The following DSCAML1 variants were observed in gnomAD, a reference collection of about 807,000 sequenced individuals.
The protein encoded by DSCAML1 is DS cell adhesion molecule like 1.
In DSCAML1, 38 loss-of-function variants were observed where a neutral mutation model predicts 200.5. The ratio of observed to expected loss-of-function variants is 0.19; its 90% CI spans 0.15 to 0.25. The LOEUF (loss-of-function observed/expected upper bound fraction) is 0.25. Ranked by LOEUF, DSCAML1 falls within the 10% of genes least tolerant of loss-of-function variation. The pLI is 1.00. For synonymous variants in DSCAML1, 1,215 were observed against 1,165.0 expected (o/e 1.04, Z -0.87); for missense variants, 2,223 against 2,858.8 (o/e 0.78, Z 5.07).
intron 3 of DSCAML1, among the ~76,000 whole-genome samples, chr11:117,625,329 C>G (rs1430959445): frequency 1.3e-5 from 2 of 151,894 alleles, no homozygotes; most frequent in African/African-American, 4.8e-5. Context: ...GCTCTTTATT[C>G]CACAATGAGA....
intron 3 of DSCAML1, among the ~76,000 whole-genome samples, chr11:117,581,695 G>C (rs1269537357): frequency 8.5e-5 from 13 of 152,216 alleles, no homozygotes; most frequent in Non-Finnish European, 1.5e-5. Context: ...CTGAGTCAGG[G>C]ACTATTATTA....
intron 3 of DSCAML1, among the ~76,000 whole-genome samples, chr11:117,533,426 C>T (rs1289729497): frequency 2.0e-5 from 3 of 152,180 alleles, no homozygotes; most frequent in African/African-American, 7.2e-5. Context: ...AGCCTCCATC[C>T]CCTTCTCTCA....
At chr11:117,494,615 T>A (rs966334008) in intron 11 of DSCAML1, among the ~76,000 whole-genome samples, 3 of 152,122 alleles carry the variant, frequency 2.0e-5, no homozygotes, top group African/African-American at 7.2e-5. Context: ...CCAAAAGATA[T>A]GTTGAAGTCC....
chr11:117,616,326 G>A (rs2051810935), intron 3 of DSCAML1, among the ~76,000 whole-genome samples: 2 of 152,218 alleles, frequency 1.3e-5, no homozygotes, highest in East Asian at 1.9e-4. Flanking sequence ...GGGATTAGGA[G>A]GGTAGCCATA....
At chr11:117,660,666 C>T (rs930863264) in intron 3 of DSCAML1, among the ~76,000 whole-genome samples, 6 of 152,162 alleles carry the variant, frequency 3.9e-5, no homozygotes, top group South Asian at 2.1e-4. Context: ...TCCTGGGAGC[C>T]GGGACCCAGC....
intron 6 of DSCAML1, among the ~76,000 whole-genome samples, chr11:117,519,440 C>A (rs1381417001): frequency 6.6e-6 from 1 of 152,216 alleles, no homozygotes; most frequent in African/African-American, 2.4e-5. Flanking sequence ...CCCTGGCTTC[C>A]TCACGTGGAA....
At chr11:117,716,714 G>A (rs970288423) in intron 3 of DSCAML1, among the ~76,000 whole-genome samples, 1 of 152,104 alleles carries the variant, frequency 6.6e-6, no homozygotes, top group Non-Finnish European at 1.5e-5. Flanking sequence ...ATGGTTGGGG[G>A]GAAAAAGAAA....
At chr11:117,632,947 G>A (rs2052204207) in intron 3 of DSCAML1, among the ~76,000 whole-genome samples, 1 of 152,192 alleles carries the variant, frequency 6.6e-6, no homozygotes, top group South Asian at 2.1e-4. Flanking sequence ...TACACAAATA[G>A]TGAGTAGTAA....
chr11:117,785,663 T>C (rs909456477), intron 1 of DSCAML1, among the ~76,000 whole-genome samples: 1 of 152,118 alleles, frequency 6.6e-6, no homozygotes, highest in African/African-American at 2.4e-5. Flanking sequence ...GTTCTTGTAG[T>C]CCTTATGTCT....
At chr11:117,794,877 G>A (rs1048653662) in intron 1 of DSCAML1, among the ~76,000 whole-genome samples, 1 of 152,166 alleles carries the variant, frequency 6.6e-6, no homozygotes, top group African/African-American at 2.4e-5. Context: ...CCAACAGACA[G>A]ACGCTGGAGC....
chr11:117,786,384 G>A (rs957179132), intron 1 of DSCAML1, among the ~76,000 whole-genome samples: 4 of 152,222 alleles, frequency 2.6e-5, no homozygotes, highest in Non-Finnish European at 5.9e-5. Flanking sequence ...TTAGAAGTGT[G>A]GAAATAGCAC....
intron 18 of DSCAML1, among the ~76,000 whole-genome samples, chr11:117,460,872 C>G (rs2048467754): frequency 6.6e-6 from 1 of 152,134 alleles, no homozygotes; most frequent in South Asian, 2.1e-4. Context: ...AAGGGAGGCT[C>G]TCCCTGGGTT....
chr11:117,430,849 G>A lies in DSCAML1; in HGVS notation c.5559C>T (p.Asp1853=), dbSNP rs1592559475. The change falls in exon 32 of 33, where the codon GAC becomes GAT. Residue 1853 remains aspartate (D), a synonymous_variant. Transcript: ENST00000651296. ...AGGGTGTGCTCATGGATGTCATGCT[G>A]TCGGCGTTCTCGTTGGTGCCTGTGG... ...QMTTGTNENA[D]SMTSMSTPSE... 1.2e-6 allele frequency: 2 copies of A among 1,614,202 alleles called. No individual in the cohort carries two copies.
At chr11:117,572,780 C>T (rs988633416) in intron 3 of DSCAML1, among the ~76,000 whole-genome samples, 1 of 152,120 alleles carries the variant, frequency 6.6e-6, no homozygotes, top group African/African-American at 2.4e-5. Context: ...TCTCCTCTGC[C>T]CGTTCAAGTG....
intron 11 of DSCAML1, among the ~76,000 whole-genome samples, chr11:117,485,076 T>C (rs2049016405): frequency 2.0e-5 from 3 of 152,174 alleles, no homozygotes; most frequent in Non-Finnish European, 4.4e-5. Flanking sequence ...AACCCCACCA[T>C]GCCTCTGGCT....
Position 117,437,425 on chromosome 11 carries a change from G to A in DSCAML1, c.4433-16C>T. 1 of 1,604,476 alleles carries A rather than the reference G, an allele frequency of 6.2e-7. No individual in the cohort carries two copies. Among genetic ancestry groups the A allele is most frequent in the Non-Finnish European group, 8.5e-7 (1 of 1,174,398 alleles). On this transcript the variant is annotated splice_polypyrimidine_tract_variant and intron_variant, in intron 25 of 32. Transcript: ENST00000651296. This position sits in a 1 kb window ranked among gnomAD's most constrained non-coding sequence, Gnocchi z 5.3. ...AAGGAGGGCTCTGGCAGGCCGGAGGGAGAGAGAGAGGTTAGAGAGATTTGG... is the reference window on the plus strand; with the variant it reads ...AAGGAGGGCTCTGGCAGGCCGGAGGAAGAGAGAGAGGTTAGAGAGATTTGG...
rs185474741 is a variant in DSCAML1, at chr11:117,602,292, C to T, written c.512-69770G>A. Among the ~76,000 whole-genome samples the T allele has an allele frequency of 1.3e-4, 20 of 152,344 alleles. No individual in the cohort carries two copies. The East Asian group carries it at 1.4e-3, about 10-fold the overall frequency. On this transcript the variant is annotated intron_variant, in intron 3 of 32. Transcript: ENST00000651296. ...CTGGGCACACGTGGCCTGGAGTGGC[C>T]GGTTGTCTTGGCATGAGTGTGTGTT...
chr11:117,587,759 G>A (rs181152793), intron 3 of DSCAML1, among the ~76,000 whole-genome samples: 39 of 152,282 alleles, frequency 2.6e-4, no homozygotes, highest in African/African-American at 9.1e-4. Context: ...TGGGATCCAA[G>A]CTATTCTCTG....
chr11:117,463,269 T>G lies in DSCAML1; in HGVS notation c.3265+1673A>C, dbSNP rs1234079502. On this transcript the variant is annotated intron_variant, in intron 17 of 32. Transcript: ENST00000651296. This position sits in a 1 kb window ranked among gnomAD's most constrained non-coding sequence, Gnocchi z 4.0. ...TAATCTCCTTGAGCCTTGGCCTCCCTTCATGGATAATTGTGCGACTCTTGG... is the reference window on the plus strand; with the variant it reads ...TAATCTCCTTGAGCCTTGGCCTCCCGTCATGGATAATTGTGCGACTCTTGG... 6.6e-6 allele frequency among the ~76,000 whole-genome samples: 1 copy of G among 152,222 alleles called. No individual in the cohort carries two copies. Among genetic ancestry groups the G allele is most frequent in the Non-Finnish European group, 1.5e-5 (1 of 68,032 alleles).
Sources: allele counts gnomAD v4.1 joint callset (sites outside exome capture counted in the v4.1 genomes callset), GRCh38; gene constraint gnomAD v4.1.1; non-coding constraint Gnocchi (gnomAD v3.1); transcripts MANE v1.5; gene names NCBI Gene and HGNC (gene_info 2026-07-23, HGNC 2026-07-21).